AOX1: variants seen among roughly 807,000 people sequenced by gnomAD.
The protein encoded by AOX1 is aldehyde oxidase.
AOX1 carries 153 observed loss-of-function variants against 169.5 expected under a neutral mutation model. The observed-to-expected ratio is 0.90, with a 90% CI of 0.79 to 1.03. AOX1 has a LOEUF of 1.03. AOX1 is among the 50% of genes least tolerant of loss of function. AOX1 has a pLI of 0.00. For synonymous variants in AOX1, 562 were observed against 581.9 expected (o/e 0.97, Z 0.49); for missense variants, 1,656 against 1,663.9 (o/e 1.00, Z 0.08).
chr2:200,586,830 TC>T (rs1574899245), intron 1 of AOX1, among the ~76,000 whole-genome samples: 1 of 152,164 alleles, frequency 6.6e-6, no homozygotes, highest in African/African-American at 2.4e-5. Context: ...GAGGGACAGT[TC>T]CAGGCAGTGT....
rs577902603 is a variant in AOX1 at position 200,649,555 on chromosome 2, C to T, written c.2848-1419C>T. ...TTGCAGTCGATCTAGAGCTAAAATT[C>T]GGCGAACTTCCACAAGCTGCTCTGT... On this transcript the variant is annotated intron_variant, in intron 25 of 34. Transcript: ENST00000374700. Among the ~76,000 whole-genome samples the T allele has an allele frequency of 1.2e-4, 18 of 152,300 alleles. No homozygotes were observed. In the South Asian group the frequency reaches 3.1e-3, roughly 26 times the overall value.
At position 200,612,810 on chromosome 2, in the gene AOX1, A is replaced by G. The variant is rs755280096; in HGVS notation, c.1448+17A>G. 2.5e-6 allele frequency: 4 copies of G among 1,609,198 alleles called. No individual in the cohort carries two copies. In the African/African-American group the frequency reaches 5.4e-5, roughly 22 times the overall value. ...CATTGGAAGGTAAGGCATTAGAAGT[A>G]AGGGCTCCTCTAATACTTGTCCTTA... is the stretch of plus-strand genomic sequence containing the variant. On this transcript the variant is annotated intron_variant, in intron 14 of 34. Coordinates refer to ENST00000374700, the MANE Select transcript of AOX1 (RefSeq NM_001159.4).
intron 20 of AOX1, 91 bp downstream of exon 20, chr2:200,627,540 C>G (rs1180646428): frequency 4.5e-6 from 4 of 888,854 alleles, no homozygotes; most frequent in Non-Finnish European, 7.2e-6. Flanking sequence ...CATCGGGCAG[C>G]CTAGGGGGGT....
At chr2:200,602,862 A>G (rs558589785) in intron 6 of AOX1, among the ~76,000 whole-genome samples, 1 of 152,292 alleles carries the variant, frequency 6.6e-6, no homozygotes, top group South Asian at 2.1e-4. Context: ...GAAATGAAGG[A>G]TATAAGATTG....
chr2:200,594,349 A>G (rs2034235250), intron 2 of AOX1, among the ~76,000 whole-genome samples: 1 of 152,150 alleles, frequency 6.6e-6, no homozygotes, highest in Non-Finnish European at 1.5e-5. Flanking sequence ...GTACAGCAAC[A>G]GGGTCCCTTG....
chr2:200,668,921 C>T, intron 33 of AOX1, 118 bp downstream of exon 33: 1 of 819,924 alleles, frequency 1.2e-6, no homozygotes, highest in South Asian at 1.9e-5. Flanking sequence ...AAGAAAAATT[C>T]TTATTAAACA....
Position 200,609,043 on chromosome 2 carries a change from G to A in AOX1, c.967G>A (p.Val323Ile), listed in dbSNP as rs1265591191. 6.2e-7 allele frequency: 1 copy of A among 1,614,068 alleles called. No homozygotes were observed. ...GGTGAAGGACATTTTGGCTGATGTA[G>A]TCCAGAAGCTTCCAGAGGAGAAGAC... ...AQVKDILADV[V>I]QKLPEEKTQM... The change falls in exon 11 of 35, where the codon GTC becomes ATC. Residue 323 changes from valine to isoleucine, a missense_variant. Physicochemically the swap from Val to Ile is conservative, Grantham distance 29 (BLOSUM62 3). Transcript: ENST00000374700.
At chr2:200,665,684 G>A (rs771591603) in intron 31 of AOX1, among the ~76,000 whole-genome samples, 20 of 152,092 alleles carry the variant, frequency 1.3e-4, no homozygotes, top group Non-Finnish European at 2.4e-4. Context: ...TGCCCCCCTC[G>A]GCCTCCCAAA....
chr2:200,633,020 C>T (rs1408907249), intron 20 of AOX1, among the ~76,000 whole-genome samples: 1 of 151,950 alleles, frequency 6.6e-6, no homozygotes, highest in African/African-American at 2.4e-5. Context: ...TCTCAGCCTC[C>T]TGAGTAGCTG....
Position 200,636,997 on chromosome 2 carries a change from G to A in AOX1, c.2433G>A (p.Val811=). The A allele has an allele frequency of 6.2e-7, 1 of 1,614,116 alleles. No individual in the cohort carries two copies. Among genetic ancestry groups the A allele is most frequent in the Non-Finnish European group, 8.5e-7 (1 of 1,179,992 alleles). Residue 811 remains valine, a synonymous_variant, in exon 22 of 35, where the codon GTG becomes GTA. Transcript: ENST00000374700. ...TTGGTGGAGCGTTTGGAGGGAAGGT[G>A]TTAAAAACCGGAATCATTGCAGCCG... ...RRVGGAFGGK[V]LKTGIIAAVT...
At chr2:200,620,916 G>C (rs1022641833) in intron 17 of AOX1, 97 bp downstream of exon 17, 21 of 1,406,662 alleles carry the variant, frequency 1.5e-5, no homozygotes, top group Non-Finnish European at 2.0e-5. Flanking sequence ...TAGGCTATTT[G>C]TTGGTGATAT....
intron 16 of AOX1, 124 bp from the exon 17 acceptor site, chr2:200,620,526 A>G: frequency 1.1e-6 from 1 of 926,822 alleles, no homozygotes; most frequent in Non-Finnish European, 1.5e-6. Context: ...GCTTTTTCAT[A>G]TGCAAAAGTA....
At chr2:200,641,040 C>T in intron 23 of AOX1, 58 bp from the exon 24 acceptor site, 1 of 1,335,988 alleles carries the variant, frequency 7.5e-7, no homozygotes. Context: ...TTGCAAATGA[C>T]AAAATTTGGA....
intron 18 of AOX1, 44 bp from the exon 19 acceptor site, chr2:200,623,817 T>C: frequency 6.2e-7 from 1 of 1,611,658 alleles, no homozygotes. Flanking sequence ...AGAGAGGACC[T>C]GATGCCTGCC....
chr2:200,606,675 T>A (rs2034522979), intron 10 of AOX1, among the ~76,000 whole-genome samples: 1 of 152,206 alleles, frequency 6.6e-6, no homozygotes, highest in Non-Finnish European at 1.5e-5. Context: ...TGGTTGGTAG[T>A]TCTTCCTGAA....
intron 1 of AOX1, among the ~76,000 whole-genome samples, chr2:200,591,737 C>G (rs992769323): frequency 3.3e-5 from 5 of 152,136 alleles, no homozygotes; most frequent in African/African-American, 1.2e-4. Flanking sequence ...TAAATTTAGG[C>G]ATATACATGA....
intron 16 of AOX1, among the ~76,000 whole-genome samples, chr2:200,617,481 C>CAAAAAA (rs35035526): frequency 1.0e-3 from 59 of 58,180 alleles, no homozygotes; most frequent in East Asian, 2.4e-3. Flanking sequence ...CAACTAACTG[C>CAAAAAA]AAAAAAAAAA....
chr2:200,676,146 T>C (rs1019075541), downstream of AOX1, among the ~76,000 whole-genome samples: 12 of 152,270 alleles, frequency 7.9e-5, no homozygotes, highest in African/African-American at 2.9e-4. Context: ...TATACTTTTA[T>C]GTTTTTTTAA....
chr2:200,616,145 A>C, intron 16 of AOX1, 82 bp downstream of exon 16: 1 of 999,482 alleles, frequency 1.0e-6, no homozygotes, highest in Non-Finnish European at 1.5e-6. Context: ...TCTCTCCGTG[A>C]AACTCAAGCT....
Sources: allele counts gnomAD v4.1 joint callset (sites outside exome capture counted in the v4.1 genomes callset), GRCh38; gene constraint gnomAD v4.1.1; transcripts MANE v1.5; gene names NCBI Gene and HGNC (gene_info 2026-07-23, HGNC 2026-07-21).